The following NDST4 variants were observed in gnomAD, a reference collection of about 807,000 sequenced individuals.
The protein encoded by NDST4 is N-heparan sulfate sulfotransferase 4.
A neutral mutation model predicts 100.8 loss-of-function variants in NDST4; 63 were observed. That is an observed-to-expected ratio of 0.62 (90% CI 0.51 to 0.77). NDST4 has a LOEUF of 0.77. NDST4 is among the 30% of genes least tolerant of loss of function. The probability of loss-of-function intolerance (pLI) is 0.00; values close to 1 mark genes in which losing one functional copy is unlikely to be tolerated. For synonymous variants in NDST4, 377 were observed against 361.8 expected, an observed-to-expected ratio of 1.04 and a Z score of -0.48; for missense variants, 943 against 1,018.4, an observed-to-expected ratio of 0.93 and a Z score of 1.01.
Position 114,839,433 on chromosome 4 carries a change from G to A in NDST4, c.2231C>T (p.Pro744Leu). 1 of 1,613,880 alleles carries A rather than the reference G, an allele frequency of 6.2e-7. No homozygotes were observed. The highest frequency in any genetic ancestry group is 8.5e-7 in the Non-Finnish European group (1 of 1,179,836). ...TTCTATGTGGACTGCATACCATCCA[G>A]GTACTAGGCATCTTCTCTGCAAAGT... ...LKTLQRRCLV[P>L]GWYAVHIERW... Residue 744 changes from proline (P) to leucine (L), a missense_variant, in exon 11 of 14, where the codon CCT (proline) becomes CTT (leucine). This residue lies in a region of NDST4 where 526 missense variants were observed against 634.1 expected (regional missense o/e 0.83). Coordinates refer to ENST00000264363, the MANE Select transcript of NDST4 (RefSeq NM_022569.3).
chr4:114,837,068 T>G (rs760526384), intron 11 of NDST4, among the ~76,000 whole-genome samples: 2 of 152,092 alleles, frequency 1.3e-5, no homozygotes, highest in Non-Finnish European at 2.9e-5. Context: ...AACATGTTCC[T>G]TTAGCTCAGA....
chr4:115,070,884 C>T (rs1003822459), intron 2 of NDST4, among the ~76,000 whole-genome samples: 6 of 152,056 alleles, frequency 3.9e-5, no homozygotes, highest in African/African-American at 1.2e-4. Context: ...GTGGGTGAAT[C>T]ACTTGAAGTC....
intron 6 of NDST4, among the ~76,000 whole-genome samples, chr4:114,923,873 C>T (rs763713112): frequency 6.6e-6 from 1 of 151,262 alleles, no homozygotes; most frequent in Non-Finnish European, 1.5e-5. Context: ...GCCAGTTATA[C>T]TAGATGGAAA....
At chr4:115,069,818 G>T (rs1309483141) in intron 2 of NDST4, among the ~76,000 whole-genome samples, 4 of 152,172 alleles carry the variant, frequency 2.6e-5, no homozygotes, top group African/African-American at 9.7e-5. Context: ...GGGAGGTGGA[G>T]GTTGCAGTGA....
chr4:115,062,460 C>T (rs558357479), intron 2 of NDST4, among the ~76,000 whole-genome samples: 3 of 151,586 alleles, frequency 2.0e-5, no homozygotes, highest in South Asian at 2.1e-4. Context: ...CGAAAAAATG[C>T]CCACAAGCGA....
At chr4:114,917,041 G>C (rs543704382) in intron 6 of NDST4, among the ~76,000 whole-genome samples, 6 of 152,126 alleles carry the variant, frequency 3.9e-5, no homozygotes, top group Non-Finnish European at 7.4e-5. Flanking sequence ...AGGACTCCTT[G>C]CAAATACCAA....
chr4:114,988,352 CTTTTTTT>C (rs991019823), intron 2 of NDST4, among the ~76,000 whole-genome samples: 8 of 64,202 alleles, frequency 1.2e-4, no homozygotes, highest in Non-Finnish European at 2.0e-4. Flanking sequence ...ATACACATAT[CTTTTTTT>C]TTTTTTTTTT....
At chr4:114,890,772 C>A (rs1275845140) in intron 6 of NDST4, among the ~76,000 whole-genome samples, 2 of 151,962 alleles carry the variant, frequency 1.3e-5, no homozygotes, top group Non-Finnish European at 2.9e-5. Flanking sequence ...ATTAATTAAC[C>A]ATTCCCTGCT....
intron 2 of NDST4, among the ~76,000 whole-genome samples, chr4:115,034,446 T>C (rs1299043979): frequency 6.6e-6 from 1 of 151,988 alleles, no homozygotes; most frequent in East Asian, 1.9e-4. Context: ...CCCTTAGCAA[T>C]GAGGGGAATA....
At chr4:115,053,288 A>G (rs1728623929) in intron 2 of NDST4, among the ~76,000 whole-genome samples, 2 of 152,186 alleles carry the variant, frequency 1.3e-5, no homozygotes, top group African/African-American at 4.8e-5. Flanking sequence ...AAGAATTAGT[A>G]ATGGAATTTC....
intron 6 of NDST4, among the ~76,000 whole-genome samples, chr4:114,885,158 C>T (rs751105877): frequency 5.5e-4 from 83 of 152,164 alleles, no homozygotes; most frequent in Middle Eastern, 3.4e-3. Context: ...TGCCAACAGG[C>T]TATATTTTTA....
intron 2 of NDST4, among the ~76,000 whole-genome samples, chr4:115,030,566 G>C (rs1409190716): frequency 1.3e-5 from 2 of 151,962 alleles, no homozygotes; most frequent in Non-Finnish European, 2.9e-5. Context: ...CAGACTTTTG[G>C]GAAGAAATAT....
intron 5 of NDST4, among the ~76,000 whole-genome samples, chr4:114,936,159 A>G (rs1453067867): frequency 6.6e-6 from 1 of 152,136 alleles, no homozygotes; most frequent in Non-Finnish European, 1.5e-5. Flanking sequence ...TGTTTTAGAT[A>G]CAGAAGGTAA....
intron 2 of NDST4, 109 bp from the exon 3 acceptor site, chr4:114,977,383 C>T (rs2126244227): frequency 1.6e-6 from 1 of 634,200 alleles, no homozygotes; most frequent in Non-Finnish European, 2.7e-6. Context: ...TATGAGCTTT[C>T]TTGTTTTTGA....
intron 2 of NDST4, among the ~76,000 whole-genome samples, chr4:115,033,195 C>T (rs1283036086): frequency 1.6e-4 from 22 of 140,328 alleles, no homozygotes; most frequent in African/African-American, 5.9e-4. Context: ...ACTCTTTTGC[C>T]CAGGCTGGAG....
At chr4:114,847,485 A>G (rs1051834016) in intron 9 of NDST4, among the ~76,000 whole-genome samples, 1 of 145,116 alleles carries the variant, frequency 6.9e-6, no homozygotes, top group Non-Finnish European at 1.5e-5. Context: ...AGATGTGTGC[A>G]TTGAGGGGAA....
chr4:115,025,328 G>T (rs1345467852), intron 2 of NDST4, among the ~76,000 whole-genome samples: 1 of 152,140 alleles, frequency 6.6e-6, no homozygotes, highest in Non-Finnish European at 1.5e-5. Flanking sequence ...ATCAGTGAGT[G>T]AGATTTATGC....
Position 115,076,550 on chromosome 4 carries a change from C to T in NDST4, c.487G>A (p.Gly163Ser), listed in dbSNP as rs200476917. 497 of 1,613,898 alleles carry T rather than the reference C, an allele frequency of 3.1e-4. No individual in the cohort carries two copies. The highest frequency in any genetic ancestry group is 3.8e-4 in the Non-Finnish European group (444 of 1,179,936). The change falls in exon 2 of 14, where the codon GGT becomes AGT. Residue 163 changes from glycine (G) to serine (S), a missense_variant. By Grantham distance (56) the Gly-to-Ser change is moderately conservative (BLOSUM62 0). Coordinates refer to ENST00000264363, the MANE Select transcript of NDST4 (RefSeq NM_022569.3). ...YCVEYSVSII[G>S]FHKANENSLP... ...CTGTTCTCATTGGCTTTATGAAAACCGATTATACTAACACTGTATTCCACA... is the reference window on the plus strand; with the variant it reads ...CTGTTCTCATTGGCTTTATGAAAACTGATTATACTAACACTGTATTCCACA...
chr4:115,064,446 G>T (rs1452036882), intron 2 of NDST4, among the ~76,000 whole-genome samples: 2 of 151,978 alleles, frequency 1.3e-5, no homozygotes, highest in African/African-American at 4.8e-5. Flanking sequence ...GTATCAGTTG[G>T]TACATCTCAC....
Sources: allele counts gnomAD v4.1 joint callset (sites outside exome capture counted in the v4.1 genomes callset), GRCh38; gene constraint gnomAD v4.1.1; regional missense constraint gnomAD v4.1.1; transcripts MANE v1.5; gene names NCBI Gene and HGNC (gene_info 2026-07-23, HGNC 2026-07-21).